Variants in IGFN1 observed in about 807,000 individuals in gnomAD.
IGFN1 encodes immunoglobulin-like and fibronectin type III domain-containing protein 1.
In IGFN1, 253 loss-of-function variants were observed where a neutral mutation model predicts 289.5. The observed-to-expected ratio is 0.87, with a 90% CI of 0.79 to 0.97. The LOEUF is 0.97. Ranked by LOEUF, IGFN1 falls within the 50% of genes least tolerant of loss-of-function variation. The pLI is 0.00. For missense variants in IGFN1, 4,470 were observed against 4,686.1 expected (o/e 0.95, Z 1.35); for synonymous variants, 1,706 against 1,788.5 (o/e 0.95, Z 1.16).
rs750738576 is a variant in IGFN1 at position 201,222,808 on chromosome 1, G to A, written c.10271G>A (p.Arg3424His). The A allele has an allele frequency of 2.2e-5, 35 of 1,612,906 alleles. No homozygotes were observed. The East Asian group carries it at 5.6e-4, about 26-fold the overall frequency. The change falls in exon 20 of 24, where the codon CGT becomes CAT. Residue 3424 changes from arginine to histidine, a missense_variant. Around this residue, in one of 8 missense-constraint regions of IGFN1, gnomAD observed 2,218 missense variants for 2,114.1 expected, o/e 1.05. Transcript: ENST00000335211. The part of the protein sequence containing the change: ...LLTVKVGDTV[R>H]VPVSFEAMPM... ...ACAGTCAAGGTCGGGGACACAGTTC[G>A]TGTGCCCGTCTCCTTTGAAGTGAGT...
At position 201,208,912 on chromosome 1, in the gene IGFN1, C is replaced by G. The variant is rs1390393472; in HGVS notation, c.4019C>G (p.Ala1340Gly). 6.5e-7 allele frequency: 1 copy of G among 1,535,978 alleles called. No individual in the cohort carries two copies. The highest frequency in any genetic ancestry group is 1.2e-5 in the South Asian group (1 of 83,992). The change falls in exon 12 of 24, where the codon GCA becomes GGA. Residue 1340 changes from alanine to glycine, a missense_variant. By Grantham distance (60) the Ala-to-Gly change is moderately conservative. Coordinates refer to ENST00000335211, the MANE Select transcript of IGFN1 (RefSeq NM_001164586.2). The stretch of plus-strand genomic sequence containing the variant: ...GAGGGAATAAGTTCAGGGAGCAAGG[C>G]AGATTATAGGGGTGGTTTACAGGAT... ...APEGISSGSK[A>G]DYRGGLQDSR...
rs1482022890 is a variant in IGFN1, at chr1:201,207,632, T to C, written c.2739T>C (p.Gly913=). ...TAGGAGATAAGAAAGGATTAAGAGG[T>C]CCTGGGTCAATAGGGTCTGAACCAG... The part of the protein sequence containing the change: ...GTLGDKKGLR[G]PGSIGSEPDF... Residue 913 remains glycine (G), a synonymous_variant, in exon 12 of 24, where the codon GGT becomes GGC. Coordinates refer to ENST00000335211, the MANE Select transcript of IGFN1 (RefSeq NM_001164586.2). 7 of 1,536,594 alleles carry C rather than the reference T, an allele frequency of 4.6e-6. No homozygotes were observed. The highest frequency in any genetic ancestry group is 1.4e-5 in the African/African-American group (1 of 72,862).
In IGFN1 at chr1:201,214,107, C is replaced by A. The variant is rs1283461209; in HGVS notation, c.8729-70C>A. ...AGCCCAGTTGGCAGGACCATGGTGGCCTTGCGGGGCACAGCGCAGGCCATG... is the reference window on the plus strand; with the variant it reads ...AGCCCAGTTGGCAGGACCATGGTGGACTTGCGGGGCACAGCGCAGGCCATG... On this transcript the variant is annotated intron_variant, in intron 12 of 23. Coordinates refer to ENST00000335211, the MANE Select transcript of IGFN1 (RefSeq NM_001164586.2). 2.0e-5 allele frequency: 30 copies of A among 1,463,830 alleles called. No individual in the cohort carries two copies. In the Admixed American group the frequency reaches 6.8e-4, roughly 33 times the overall value. The allele number at this position is 1,463,830 out of a possible 1,614,324, so 90.7% of individuals were successfully genotyped here.
intron 5 of IGFN1, 79 bp from the exon 6 acceptor site, chr1:201,199,255 C>A (rs1305144339): frequency 7.1e-6 from 9 of 1,266,814 alleles, no homozygotes; most frequent in Non-Finnish European, 7.9e-6. Flanking sequence ...ATCAGTTTCT[C>A]AGGAAGACCA....
rs749956437 is a variant in IGFN1 at position 201,221,648 on chromosome 1, C to T, written c.10103C>T (p.Pro3368Leu). Reference sequence around the variant, plus strand: ...ACCTACACGGCCAAGGGGCTTCGGCCTGGAGAGGGCTACTTCGTGCGGGTG... The same window carrying T: ...ACCTACACGGCCAAGGGGCTTCGGCTTGGAGAGGGCTACTTCGTGCGGGTG... ...VTTYTAKGLR[P>L]GEGYFVRVTA... The change falls in exon 19 of 24, where the codon CCT becomes CTT. Residue 3368 changes from proline to leucine, a missense_variant. Coordinates refer to ENST00000335211, the MANE Select transcript of IGFN1 (RefSeq NM_001164586.2). The T allele has an allele frequency of 9.3e-6, 15 of 1,614,102 alleles. No homozygotes were observed. In the South Asian group the frequency reaches 1.6e-4, roughly 18 times the overall value.
At position 201,208,127 on chromosome 1, in the gene IGFN1, G is replaced by T; in HGVS notation, c.3234G>T (p.Gly1078=). 2 of 1,537,016 alleles carry T rather than the reference G, an allele frequency of 1.3e-6. No homozygotes were observed. Among genetic ancestry groups the T allele is most frequent in the Non-Finnish European group, 1.7e-6 (2 of 1,146,844 alleles). Residue 1078 remains glycine, a synonymous_variant, in exon 12 of 24, where the codon GGG becomes GGT. Coordinates refer to ENST00000335211, the MANE Select transcript of IGFN1 (RefSeq NM_001164586.2). ...RGGHHSDGGL[G]SPGVTGSAGR... Reference sequence around the variant, plus strand: ...GGCACCATTCAGATGGTGGCCTAGGGAGTCCTGGGGTGACAGGGTCTGCGG... The same window carrying T: ...GGCACCATTCAGATGGTGGCCTAGGTAGTCCTGGGGTGACAGGGTCTGCGG...
Position 201,211,636 on chromosome 1 carries a change from C to T in IGFN1, c.6743C>T (p.Ala2248Val), listed in dbSNP as rs1458240041. ...GGGGAAATGGGGTCAATGGATGAGG[C>T]AGATTATAGGAAGGATTTGGGAGCT... ...SSGEMGSMDE[A>V]DYRKDLGAPE... The change falls in exon 12 of 24, where the codon GCA (alanine) becomes GTA (valine). Residue 2248 changes from alanine to valine, a missense_variant. Around this residue, in one of 8 missense-constraint regions of IGFN1, gnomAD observed 2,218 missense variants for 2,114.1 expected, o/e 1.05. Coordinates refer to ENST00000335211, the MANE Select transcript of IGFN1 (RefSeq NM_001164586.2). 3 of 1,536,594 alleles carry T rather than the reference C, an allele frequency of 2.0e-6. No homozygotes were observed. The highest frequency in any genetic ancestry group is 2.0e-5 in the Admixed American group (1 of 50,924).
intron 19 of IGFN1, 134 bp from the exon 20 acceptor site, chr1:201,222,605 C>T (rs528506276): frequency 5.0e-6 from 3 of 595,368 alleles, no homozygotes; most frequent in African/African-American, 1.9e-5. Context: ...CCTTTAGAGG[C>T]CCCAGTATGT....
In IGFN1 at chr1:201,226,009, C is replaced by G. The variant is rs753058162; in HGVS notation, c.10672C>G (p.Leu3558Val). 7 of 1,580,436 alleles carry G rather than the reference C, an allele frequency of 4.4e-6. No homozygotes were observed. The highest frequency in any genetic ancestry group is 8.6e-7 in the Non-Finnish European group (1 of 1,160,700). Reference sequence around the variant, plus strand: ...CCGCATCCACACCAACCGCTTCACCCTCCTGGGCATCCTCCCCGGCCACGA... The same window carrying G: ...CCGCATCCACACCAACCGCTTCACCGTCCTGGGCATCCTCCCCGGCCACGA... ...ADRIHTNRFTLLGILPGHEYH... is the reference protein window; with the variant it reads ...ADRIHTNRFTVLGILPGHEYH... Residue 3558 changes from leucine to valine, a missense_variant, in exon 22 of 24, where the codon CTC becomes GTC. Leu to Val is a conservative substitution (Grantham distance 32). This residue lies in a region of IGFN1 where 2,218 missense variants were observed against 2,114.1 expected (regional missense o/e 1.05). Transcript: ENST00000335211.
chr1:201,209,182 C>A lies in IGFN1; in HGVS notation c.4289C>A (p.Ala1430Asp). The change falls in exon 12 of 24, where the codon GCT becomes GAT. Residue 1430 changes from alanine (A) to aspartate (D), a missense_variant. By Grantham distance (126) the Ala-to-Asp change is moderately radical (BLOSUM62 -2). This residue lies in a region of IGFN1 where 2,011 missense variants were observed against 1,953.4 expected (regional missense o/e 1.03). Transcript: ENST00000335211. ...MGSGYREDLG[A>D]PEGMGTGSKA... ...TCAGGTTATAGGGAGGATTTGGGGG[C>A]TCCTGAGGGAATGGGCACAGGGAGC... 1 of 1,499,650 alleles carries A rather than the reference C, an allele frequency of 6.7e-7. No homozygotes were observed. The highest frequency in any genetic ancestry group is 1.3e-5 in the South Asian group (1 of 75,958). 92.9% of individuals were successfully genotyped at this position (1,499,650 alleles called of 1,614,324 possible).
In IGFN1 at chr1:201,207,113, G is replaced by T. The variant is rs1340987140; in HGVS notation, c.2220G>T (p.Leu740=). 1 of 1,537,048 alleles carries T rather than the reference G, an allele frequency of 6.5e-7. No individual in the cohort carries two copies. Among genetic ancestry groups the T allele is most frequent in the Admixed American group, 2.0e-5 (1 of 50,988 alleles). Residue 740 remains leucine (L), a synonymous_variant, in exon 12 of 24, where the codon CTG becomes CTT. Transcript: ENST00000335211. ...TATCAGGTGGTAGAAAATTCCTTCTGGGAGATGGGAGTCCTGAGATCAAAG... is the reference window on the plus strand; with the variant it reads ...TATCAGGTGGTAGAAAATTCCTTCTTGGAGATGGGAGTCCTGAGATCAAAG... The part of the protein sequence containing the change: ...PSISGGRKFL[L]GDGSPEIKAE...
rs1167943684 is a variant in IGFN1, at chr1:201,206,727, G to A, written c.1834G>A (p.Gly612Arg). 32 of 1,536,856 alleles carry A rather than the reference G, an allele frequency of 2.1e-5. No individual in the cohort carries two copies. In the South Asian group the frequency reaches 3.3e-4, roughly 16 times the overall value. The change falls in exon 12 of 24, where the codon GGA becomes AGA. Residue 612 changes from glycine (G) to arginine (R), a missense_variant. Gly to Arg is a moderately radical substitution (Grantham distance 125, BLOSUM62 -2). Around this residue, in one of 8 missense-constraint regions of IGFN1, gnomAD observed 2,011 missense variants for 1,953.4 expected, o/e 1.03. Coordinates refer to ENST00000335211, the MANE Select transcript of IGFN1 (RefSeq NM_001164586.2). ...GPGRGKSDLQ[G>R]CQSDPVGSWP... Reference sequence around the variant, plus strand: ...TGGGAGAGGAAAGAGCGACCTGCAGGGATGCCAGTCTGATCCTGTAGGGTC... The same window carrying A: ...TGGGAGAGGAAAGAGCGACCTGCAGAGATGCCAGTCTGATCCTGTAGGGTC...
Position 201,209,317 on chromosome 1 carries a change from A to G in IGFN1, c.4424A>G (p.Lys1475Arg), listed in dbSNP as rs193056516. The G allele has an allele frequency of 1.7e-4, 247 of 1,482,886 alleles. No individual in the cohort carries two copies. The African/African-American group carries it at 3.0e-3, about 18-fold the overall frequency. 91.9% of individuals were successfully genotyped at this position (1,482,886 alleles called of 1,614,324 possible). A position where few individuals can be genotyped will look rare whatever the true frequency, so the allele number is the denominator to read the frequency against. ...GAPERMDSGS[K>R]AGYRGGLRGS... ...CCTGAGAGAATGGATTCAGGGAGCA[A>G]GGCAGGTTACAGGGGTGGTTTAAGG... The change falls in exon 12 of 24, where the codon AAG (lysine) becomes AGG (arginine). Residue 1475 changes from lysine (K) to arginine (R), a missense_variant. Physicochemically the swap from Lys to Arg is conservative, Grantham distance 26. Coordinates refer to ENST00000335211, the MANE Select transcript of IGFN1 (RefSeq NM_001164586.2).
At chr1:201,202,386 A>G (rs997867608) in intron 9 of IGFN1, among the ~76,000 whole-genome samples, 2 of 152,092 alleles carry the variant, frequency 1.3e-5, no homozygotes, top group Non-Finnish European at 2.9e-5. Flanking sequence ...CTCATGGTGT[A>G]CTGCAGCGCT....
rs1259058907 is a variant in IGFN1, at chr1:201,224,827, C to A, written c.10439C>A (p.Thr3480Asn). The A allele has an allele frequency of 1.2e-6, 2 of 1,614,082 alleles. No homozygotes were observed. Among genetic ancestry groups the A allele is most frequent in the South Asian group, 2.2e-5 (2 of 91,048 alleles). Residue 3480 changes from threonine to asparagine, a missense_variant, in exon 21 of 24, where the codon ACC (threonine) becomes AAC (asparagine). Thr to Asn is a moderately conservative substitution (Grantham distance 65). Around this residue, in one of 8 missense-constraint regions of IGFN1, gnomAD observed 2,218 missense variants for 2,114.1 expected, o/e 1.05. Coordinates refer to ENST00000335211, the MANE Select transcript of IGFN1 (RefSeq NM_001164586.2). ...DSGLYTVVLR[T>N]LQGKEVAHSF... ...GGTCTCTACACTGTGGTGCTGAGGACCCTGCAGGGGAAGGAGGTTGCCCAC... is the reference window on the plus strand; with the variant it reads ...GGTCTCTACACTGTGGTGCTGAGGAACCTGCAGGGGAAGGAGGTTGCCCAC...
At position 201,203,805 on chromosome 1, in the gene IGFN1, G is replaced by A. The variant is rs1009634913; in HGVS notation, c.815G>A (p.Arg272His). The A allele has an allele frequency of 7.7e-6, 12 of 1,551,546 alleles. No individual in the cohort carries two copies. The highest frequency in any genetic ancestry group is 7.3e-5 in the East Asian group (3 of 40,934). Residue 272 changes from arginine to histidine, a missense_variant, in exon 10 of 24, where the codon CGC becomes CAC. Around this residue, in one of 8 missense-constraint regions of IGFN1, gnomAD observed 2,011 missense variants for 1,953.4 expected, o/e 1.03. Coordinates refer to ENST00000335211, the MANE Select transcript of IGFN1 (RefSeq NM_001164586.2). Reference sequence around the variant, plus strand: ...CACTGTCTGCGCCGGCTGGGGAAGCGCTATGAGTTCCAGATTCAAGACCTG... The same window carrying A: ...CACTGTCTGCGCCGGCTGGGGAAGCACTATGAGTTCCAGATTCAAGACCTG... Reference protein sequence around the residue: ...TKHCLRRLGKRYEFQIQDLRP... With the variant: ...TKHCLRRLGKHYEFQIQDLRP...
chr1:201,220,464 G>T (rs1361680784), intron 18 of IGFN1, among the ~76,000 whole-genome samples: 1 of 152,232 alleles, frequency 6.6e-6, no homozygotes, highest in Non-Finnish European at 1.5e-5. Flanking sequence ...ACAGGCATGA[G>T]CCATGGGCCC....
In IGFN1 at chr1:201,213,188, C is replaced by A; in HGVS notation, c.8295C>A (p.Gly2765=). 1.9e-6 allele frequency: 3 copies of A among 1,551,650 alleles called. No homozygotes were observed. The highest frequency in any genetic ancestry group is 2.4e-5 in the South Asian group (2 of 84,054). Residue 2765 remains glycine, a synonymous_variant, in exon 12 of 24, where the codon GGC becomes GGA. Transcript: ENST00000335211. ...CCCAGGACCTGAGCTCTCAGCGAGG[C>A]AAGGGACAGAGAGGAGGAAAGAGGT... ...GGTQDLSSQR[G]KGQRGGKRSL...
At chr1:201,193,400 G>T in intron 2 of IGFN1, 100 bp downstream of exon 2, 1 of 816,300 alleles carries the variant, frequency 1.2e-6, no homozygotes, top group East Asian at 2.7e-5. Context: ...CTGGGAACTT[G>T]CCCATCTTGT....
Sources: allele counts gnomAD v4.1 joint callset (sites outside exome capture counted in the v4.1 genomes callset), GRCh38; gene constraint gnomAD v4.1.1; regional missense constraint gnomAD v4.1.1; transcripts MANE v1.5; gene names NCBI Gene and HGNC (gene_info 2026-07-23, HGNC 2026-07-21).